NRXN1: variants seen among roughly 807,000 people sequenced by gnomAD.
NRXN1 encodes the protein neurexin-1.
Under a neutral mutation model 150.9 loss-of-function variants are expected in NRXN1, and 39 were observed. That is an observed-to-expected ratio of 0.26 (90% CI 0.20 to 0.34). The LOEUF (loss-of-function observed/expected upper bound fraction) is 0.34, where lower values mean the gene tolerates loss of function less well. NRXN1 is among the 10% of genes least tolerant of loss of function. NRXN1 has a pLI of 1.00. For synonymous variants in NRXN1, 924 were observed against 757.0 expected (o/e 1.22, Z -3.62); for missense variants, 1,815 against 1,949.9 (o/e 0.93, Z 1.30).
At chr2:50,893,891 T>C (rs980652111) in intron 5 of NRXN1, among the ~76,000 whole-genome samples, 1 of 152,138 alleles carries the variant, frequency 6.6e-6, no homozygotes, top group South Asian at 2.1e-4. Context: ...CTGAGAATGA[T>C]GATTTCCAAT....
At chr2:50,957,243 T>C (rs1692422231) in intron 2 of NRXN1, among the ~76,000 whole-genome samples, 1 of 152,134 alleles carries the variant, frequency 6.6e-6, no homozygotes, top group Admixed American at 6.6e-5. Context: ...GTTTCAAATT[T>C]TGGCGCTGAC....
intron 5 of NRXN1, among the ~76,000 whole-genome samples, chr2:50,854,696 A>G (rs1417339428): frequency 2.6e-5 from 4 of 152,080 alleles, no homozygotes; most frequent in African/African-American, 9.7e-5. Context: ...CTTGACAGCC[A>G]TTCTTTCTGA....
chr2:51,015,489 T>C lies in NRXN1; in HGVS notation c.772+12013A>G, dbSNP rs186851063. Among the ~76,000 whole-genome samples the C allele has an allele frequency of 3.4e-4, 51 of 152,152 alleles. 1 individual carries two copies. Among genetic ancestry groups the C allele is most frequent in the African/African-American group, 1.2e-3 (49 of 41,552 alleles). On this transcript the variant is annotated intron_variant, in intron 2 of 22. Transcript: ENST00000401669. The stretch of plus-strand genomic sequence containing the variant: ...AGAAGGAAGGTGCCCATCATTCTTC[T>C]TTATTGCCAAGAACCTCTGGGAACA...
intron 2 of NRXN1, among the ~76,000 whole-genome samples, chr2:50,999,301 T>C (rs776846675): frequency 3.9e-5 from 6 of 152,208 alleles, no homozygotes; most frequent in Middle Eastern, 3.4e-3. Flanking sequence ...GTTCCTATTA[T>C]GCACTGTACA....
At chr2:50,884,010 T>G (rs193090636) in intron 5 of NRXN1, among the ~76,000 whole-genome samples, 36 of 151,894 alleles carry the variant, frequency 2.4e-4, no homozygotes, top group Non-Finnish European at 4.0e-4. Context: ...TGCACTGAGT[T>G]TGTGAAAATT....
chr2:50,537,328 A>G (rs1167500807), intron 10 of NRXN1, among the ~76,000 whole-genome samples: 1 of 152,110 alleles, frequency 6.6e-6, no homozygotes, highest in African/African-American at 2.4e-5. Context: ...TTTCATATTG[A>G]TTTTTAGTTC....
intron 5 of NRXN1, among the ~76,000 whole-genome samples, chr2:50,781,788 G>C (rs1433734467): frequency 3.3e-5 from 5 of 152,152 alleles, no homozygotes; most frequent in Non-Finnish European, 2.9e-5. Flanking sequence ...AGTTAATAGA[G>C]TATGCTCAGG....
At chr2:50,833,168 C>T (rs2105896030) in intron 5 of NRXN1, among the ~76,000 whole-genome samples, 1 of 152,244 alleles carries the variant, frequency 6.6e-6, no homozygotes, top group Middle Eastern at 3.4e-3. Context: ...AAATGAAAAA[C>T]ACTGATAGTA....
intron 5 of NRXN1, among the ~76,000 whole-genome samples, chr2:50,697,412 G>A (rs992972828): frequency 1.3e-5 from 2 of 152,140 alleles, no homozygotes; most frequent in African/African-American, 2.4e-5. Context: ...AAATACTGGA[G>A]CATCTTTCAA....
chr2:50,633,286 A>G (rs1181146274), intron 5 of NRXN1, among the ~76,000 whole-genome samples: 1 of 152,112 alleles, frequency 6.6e-6, no homozygotes, highest in Non-Finnish European at 1.5e-5. Context: ...AGAAATATAT[A>G]CTGCTAACTC....
In NRXN1 at chr2:50,347,185, G is replaced by T. The variant is rs2078068504; in HGVS notation, c.3365-110215C>A. 1.5e-6 allele frequency: 2 copies of T among 1,356,396 alleles called. No individual in the cohort carries two copies. Among genetic ancestry groups the T allele is most frequent in the African/African-American group, 1.5e-5 (1 of 67,660 alleles). The allele number at this position is 1,356,396 out of a possible 1,614,324, so 84.0% of individuals were successfully genotyped here. A position where few individuals can be genotyped will look rare whatever the true frequency, so the allele number is the denominator to read the frequency against. ...CCGAGGCGAATGCAGCTGGAGAGGG[G>T]CTTGTCCGGAAAGGCAGCCCCGGGA... On this transcript the variant is annotated intron_variant, in intron 17 of 22. Transcript: ENST00000401669. The surrounding 1 kb of genome is among the most constrained non-coding windows in gnomAD (Gnocchi z 4.9).
chr2:50,325,781 G>A (rs572021683), intron 17 of NRXN1, among the ~76,000 whole-genome samples: 1 of 152,250 alleles, frequency 6.6e-6, no homozygotes, highest in South Asian at 2.1e-4. Context: ...GAAAATGCAC[G>A]CTATTGCTTC....
intron 17 of NRXN1, among the ~76,000 whole-genome samples, chr2:50,294,768 G>T (rs1011496871): frequency 6.6e-6 from 1 of 152,156 alleles, no homozygotes; most frequent in South Asian, 2.1e-4. Flanking sequence ...CTGGCCAAAG[G>T]TGCATCATCA....
rs1313555314 is a variant in NRXN1, at chr2:50,186,404, G to C, written c.3546+50385C>G. ...CTCTTAAAAAGTACTTGGATGAAAT[G>C]TTATGTTCAGAATCTCAAATATGAA... On this transcript the variant is annotated intron_variant, in intron 18 of 22. Transcript: ENST00000401669. 2.0e-5 allele frequency among the ~76,000 whole-genome samples: 3 copies of C among 152,040 alleles called. No homozygotes were observed. In the East Asian group the frequency reaches 5.8e-4, roughly 29 times the overall value.
At chr2:50,649,558 G>T (rs1685306126) in intron 5 of NRXN1, among the ~76,000 whole-genome samples, 5 of 152,006 alleles carry the variant, frequency 3.3e-5, no homozygotes. Context: ...GGTTGGTTTT[G>T]CTTCTTATTG....
At chr2:50,469,714 G>C (rs891107724) in intron 16 of NRXN1, among the ~76,000 whole-genome samples, 4 of 150,954 alleles carry the variant, frequency 2.6e-5, no homozygotes, top group Admixed American at 6.6e-5. Flanking sequence ...CTTGATGTTG[G>C]AATGAAAGAA....
chr2:50,871,938 C>G (rs1677837968), intron 5 of NRXN1, among the ~76,000 whole-genome samples: 1 of 151,820 alleles, frequency 6.6e-6, no homozygotes, highest in Non-Finnish European at 1.5e-5. Context: ...TCATTTCTAA[C>G]AGGTCTAGGA....
At chr2:50,515,043 G>A (rs927070818) in intron 12 of NRXN1, among the ~76,000 whole-genome samples, 1 of 152,190 alleles carries the variant, frequency 6.6e-6, no homozygotes, top group Admixed American at 6.5e-5. Flanking sequence ...CGCACAGCAG[G>A]AGGTGGGCAG....
At chr2:50,855,793 G>A (rs546518642) in intron 5 of NRXN1, among the ~76,000 whole-genome samples, 2 of 152,104 alleles carry the variant, frequency 1.3e-5, no homozygotes, top group South Asian at 4.1e-4. Flanking sequence ...ATCCTATCCT[G>A]CATGCTATAC....
Sources: gnomAD v4.1 joint callset for allele counts (sites outside exome capture counted in the v4.1 genomes callset) on GRCh38, gnomAD v4.1.1 for gene constraint, Gnocchi (gnomAD v3.1) non-coding constraint, MANE v1.5 for transcripts, NCBI Gene and HGNC (gene_info 2026-07-23, HGNC 2026-07-21) for gene names.